CNOT9: variants seen among roughly 807,000 people sequenced by gnomAD.
CNOT9 encodes the protein RCD1 required for cell differentiation1 homolog.
A neutral mutation model predicts 37.4 loss-of-function variants in CNOT9; 8 were observed. The ratio of observed to expected loss-of-function variants is 0.21; its 90% CI spans 0.13 to 0.39. The LOEUF (loss-of-function observed/expected upper bound fraction) is 0.39, where lower values mean the gene tolerates loss of function less well. Among genes scored for constraint, CNOT9 ranks in the 10% least tolerant of loss-of-function variants. The pLI is 1.00. For missense variants in CNOT9, 154 were observed against 365.3 expected (o/e 0.42, Z 4.71); for synonymous variants, 120 against 137.6 (o/e 0.87, Z 0.90).
At chr2:218,593,963 C>A in intron 7 of CNOT9, 145 bp from the exon 8 acceptor site, 2 of 1,010,890 alleles carry the variant, frequency 2.0e-6, no homozygotes, top group South Asian at 1.6e-5. Context: ...CCTAATATAG[C>A]TTTAGAGAAT....
At chr2:218,588,641 G>A (rs1199383081) in intron 5 of CNOT9, among the ~76,000 whole-genome samples, 3 of 103,482 alleles carry the variant, frequency 2.9e-5, no homozygotes, top group African/African-American at 3.9e-5. Context: ...ATCTCAGCTC[G>A]CTGCAACCTC....
chr2:218,579,297 T>C (rs1195946565), intron 1 of CNOT9, among the ~76,000 whole-genome samples: 1 of 152,230 alleles, frequency 6.6e-6, no homozygotes, highest in Non-Finnish European at 1.5e-5. Context: ...ATATGTATTT[T>C]TTATTTTTAT....
At chr2:218,585,396 A>G (rs1330814812) in intron 4 of CNOT9, among the ~76,000 whole-genome samples, 2 of 151,146 alleles carry the variant, frequency 1.3e-5, no homozygotes, top group Non-Finnish European at 3.0e-5. Flanking sequence ...CTTTTTTTTT[A>G]GTCTCTACTA....
chr2:218,570,563 G>GT (rs1693953687), intron 1 of CNOT9, among the ~76,000 whole-genome samples: 1 of 152,082 alleles, frequency 6.6e-6, no homozygotes, highest in African/African-American at 2.4e-5. Context: ...ATGTAACGTG[G>GT]GGAAAAGCAA....
chr2:218,578,554 C>CG (rs1694252556), intron 1 of CNOT9, among the ~76,000 whole-genome samples: 4 of 152,146 alleles, frequency 2.6e-5, no homozygotes. Context: ...CAAAAAAGTA[C>CG]GGGAATATGC....
At chr2:218,588,588 C>CTCTTTTTTTTTTTTTTTTTTTTTTTTT (rs1694671490) in intron 5 of CNOT9, among the ~76,000 whole-genome samples, 1 of 33,450 alleles carries the variant, frequency 3.0e-5, no homozygotes, top group African/African-American at 1.4e-4. Context: ...TCCACCCGGC[C>CTCTTTTTTTTTTTTTTTTTTTTTTTTT]TTTTTTTTTT....
chr2:218,575,351 A>G (rs763871254), intron 1 of CNOT9, among the ~76,000 whole-genome samples: 2 of 150,366 alleles, frequency 1.3e-5, no homozygotes, highest in Non-Finnish European at 3.0e-5. Flanking sequence ...TTTTCTGAGT[A>G]AAAGATCCAC....
chr2:218,580,630 C>T lies in CNOT9; in HGVS notation c.94C>T (p.Pro32Ser). ...TCAGTGGATCAATGAGCTGTCCAGT[C>T]CTGAGACTAGGGAAAATGCTTTGCT... ...IYQWINELSS[P>S]ETRENALLEL... Residue 32 changes from proline (P) to serine (S), a missense_variant, in exon 2 of 8, where the codon CCT (proline) becomes TCT (serine). Coordinates refer to ENST00000273064, the MANE Select transcript of CNOT9 (RefSeq NM_005444.3). 1 of 1,613,996 alleles carries T rather than the reference C, an allele frequency of 6.2e-7. No homozygotes were observed. Among genetic ancestry groups the T allele is most frequent in the Non-Finnish European group, 8.5e-7 (1 of 1,179,896 alleles).
chr2:218,595,828 C>A lies in CNOT9; in HGVS notation c.*1552C>A, dbSNP rs570335443. On this transcript the variant is annotated 3_prime_UTR_variant, in exon 8 of 8. Coordinates refer to ENST00000273064, the MANE Select transcript of CNOT9 (RefSeq NM_005444.3). Reference sequence around the variant, plus strand: ...TCAAGCCGACTTTCACAAAGAGAGCCGGACTTGTTAGTTGGCTTCTGTCTC... The same window carrying A: ...TCAAGCCGACTTTCACAAAGAGAGCAGGACTTGTTAGTTGGCTTCTGTCTC... 6.6e-6 allele frequency: 1 copy of A among 151,682 alleles called. No homozygotes were observed. The highest frequency in any genetic ancestry group is 1.5e-5 in the Non-Finnish European group (1 of 67,988). The allele number at this position is 151,682 out of a possible 1,614,324, so 9.4% of individuals were successfully genotyped here.
At chr2:218,575,121 C>T (rs1694121642) in intron 1 of CNOT9, among the ~76,000 whole-genome samples, 1 of 152,152 alleles carries the variant, frequency 6.6e-6, no homozygotes, top group Admixed American at 6.5e-5. Context: ...CTAGGTCACA[C>T]AATTCTAGAA....
rs1439987897 is a variant in CNOT9 at position 218,592,626 on chromosome 2, T to TTTCCC, written c.650_651insTTCCC (p.Leu218SerfsTer14). On this transcript the variant is annotated frameshift_variant, in exon 7 of 8. Transcript: ENST00000273064. LOFTEE classifies it high-confidence loss of function. The surrounding 1 kb of genome is among the most constrained non-coding windows in gnomAD (Gnocchi z 4.1). ...TTTTGGGGGAAACAGGGTAAGATGGTCCTGCAGCTATCCAAAGAGCCTTCT... is the reference window on the plus strand; with the variant it reads ...TTTTGGGGGAAACAGGGTAAGATGGTTTCCCCCTGCAGCTATCCAAAGAGCCTTCT... 6.2e-7 allele frequency: 1 copy of TTTCCC among 1,614,040 alleles called. No homozygotes were observed. The highest frequency in any genetic ancestry group is 1.3e-5 in the African/African-American group (1 of 74,938).
Position 218,594,159 on chromosome 2 carries a change from C to T in CNOT9, c.783C>T (p.Thr261=), listed in dbSNP as rs376111866. 1 of 1,614,122 alleles carries T rather than the reference C, an allele frequency of 6.2e-7. No individual in the cohort carries two copies. Among genetic ancestry groups the T allele is most frequent in the African/African-American group, 1.3e-5 (1 of 74,942 alleles). ...QCLPDQLKDT[T]FAQVLKDDTT... ...TCCCTGACCAGCTGAAAGACACAAC[C>T]TTCGCCCAGGTGCTAAAAGATGACA... The change falls in exon 8 of 8, where the codon ACC becomes ACT. Residue 261 remains threonine (T), a synonymous_variant. Coordinates refer to ENST00000273064, the MANE Select transcript of CNOT9 (RefSeq NM_005444.3).
At chr2:218,586,160 T>A (rs1223929757) in intron 4 of CNOT9, among the ~76,000 whole-genome samples, 1 of 152,148 alleles carries the variant, frequency 6.6e-6, no homozygotes, top group East Asian at 1.9e-4. Context: ...TCAGAGTAAT[T>A]CCAACAAAAT....
intron 1 of CNOT9, among the ~76,000 whole-genome samples, chr2:218,579,459 G>A (rs1305679714): frequency 1.3e-5 from 2 of 152,120 alleles, no homozygotes; most frequent in Non-Finnish European, 1.5e-5. Flanking sequence ...TATTTAACCA[G>A]TCTCTTAGTG....
chr2:218,580,430 A>G (rs1574989157), intron 1 of CNOT9, 131 bp from the exon 2 acceptor site: 6 of 678,972 alleles, frequency 8.8e-6, no homozygotes, highest in Middle Eastern at 4.2e-4. Flanking sequence ...AATAGTTGAC[A>G]TCAAATGTAT....
In CNOT9 at chr2:218,592,755, A is replaced by G; in HGVS notation, c.731+48A>G. 6.9e-7 allele frequency: 1 copy of G among 1,446,486 alleles called. No individual in the cohort carries two copies. Among genetic ancestry groups the G allele is most frequent in the Non-Finnish European group, 9.7e-7 (1 of 1,027,520 alleles). The allele number at this position is 1,446,486 out of a possible 1,614,324, so 89.6% of individuals were successfully genotyped here. On this transcript the variant is annotated intron_variant, in intron 7 of 7. Transcript: ENST00000273064. This position sits in a 1 kb window ranked among gnomAD's most constrained non-coding sequence, Gnocchi z 4.1. ...GGACTTTAGGGAAATACTCTGCTGA[A>G]CAGTTTCCTAATCTCATGGCATAGC...
chr2:218,583,132 T>C, intron 3 of CNOT9, 46 bp downstream of exon 3: 1 of 1,241,434 alleles, frequency 8.1e-7, no homozygotes, highest in South Asian at 1.2e-5. Flanking sequence ...ACATTGAATA[T>C]GGTCCTAAAC....
In CNOT9 at chr2:218,592,855, A is replaced by C; in HGVS notation, c.731+148A>C. On this transcript the variant is annotated intron_variant, in intron 7 of 7. Transcript: ENST00000273064. The surrounding 1 kb of genome is among the most constrained non-coding windows in gnomAD (Gnocchi z 4.1). ...TCTGAGACAGAACTTAGATTCTTTT[A>C]AAAATCTGAAATGCTGAATTTTAGT... 1 of 638,060 alleles carries C rather than the reference A, an allele frequency of 1.6e-6. No homozygotes were observed. The highest frequency in any genetic ancestry group is 2.7e-6 in the Non-Finnish European group (1 of 368,164). 39.5% of individuals were successfully genotyped at this position (638,060 alleles called of 1,614,324 possible).
intron 3 of CNOT9, 76 bp downstream of exon 3, chr2:218,583,162 G>T: frequency 3.7e-6 from 3 of 812,378 alleles, no homozygotes; most frequent in Non-Finnish European, 2.0e-6. Context: ...ATAATAAAAG[G>T]AAGGGCATGG....
Sources: allele counts gnomAD v4.1 joint callset (sites outside exome capture counted in the v4.1 genomes callset), GRCh38; gene constraint gnomAD v4.1.1; non-coding constraint Gnocchi (gnomAD v3.1); transcripts MANE v1.5; gene names NCBI Gene and HGNC (gene_info 2026-07-23, HGNC 2026-07-21).